SRPRA: variants seen among roughly 807,000 people sequenced by gnomAD.
SRPRA encodes SRP receptor subunit alpha, also known as signal recognition particle receptor subunit alpha.
SRPRA carries 30 observed loss-of-function variants against 61.1 expected under a neutral mutation model. That is an observed-to-expected ratio of 0.49 (90% CI 0.37 to 0.67). The LOEUF (loss-of-function observed/expected upper bound fraction) is 0.67. Ranked by LOEUF, SRPRA falls within the 30% of genes least tolerant of loss-of-function variation. SRPRA has a pLI of 0.00. For synonymous variants in SRPRA, 324 were observed against 299.7 expected (o/e 1.08, Z -0.84); for missense variants, 759 against 828.4 (o/e 0.92, Z 1.03).
At chr11:126,238,097 C>A in the SRPRA span, among the ~76,000 whole-genome samples, 69 of 152,214 alleles carry the variant, frequency 4.5e-4, no homozygotes, top group South Asian at 0.014. Flanking sequence ...TGCGGTGGCT[C>A]ACGCCTGTAA....
the SRPRA span, chr11:126,254,415 C>G: frequency 6.2e-7 from 1 of 1,614,174 alleles, no homozygotes; most frequent in Non-Finnish European, 8.5e-7. Context: ...AGAACGTGCT[C>G]AGGAACACTG....
chr11:126,250,622 G>A, the SRPRA span: 2 of 1,614,020 alleles, frequency 1.2e-6, no homozygotes, highest in Non-Finnish European at 8.5e-7. The surrounding 1 kb of genome is among the most constrained non-coding windows in gnomAD (Gnocchi z 5.1). Context: ...TTCTCCACCT[G>A]ATGGAAAATG....
At chr11:126,238,890 A>C in the SRPRA span, among the ~76,000 whole-genome samples, 1 of 152,152 alleles carries the variant, frequency 6.6e-6, no homozygotes, top group Non-Finnish European at 1.5e-5. Flanking sequence ...CCGCTAAAAA[A>C]AAAAAGTAAC....
At chr11:126,266,106 A>C (rs746591854) in intron 7 of SRPRA, 25 bp from the exon 8 acceptor site, 1 of 1,613,170 alleles carries the variant, frequency 6.2e-7, no homozygotes, top group Admixed American at 1.7e-5. Context: ...GATTACACAT[A>C]CACATAAAAC....
chr11:126,259,447 G>C (rs1467316825), downstream of SRPRA, among the ~76,000 whole-genome samples: 1 of 123,796 alleles, frequency 8.1e-6, no homozygotes, highest in Non-Finnish European at 1.6e-5. Flanking sequence ...TTTTTTTTGA[G>C]ATGGAGTCTC....
downstream of SRPRA, among the ~76,000 whole-genome samples, chr11:126,258,823 GC>G (rs2135220061): frequency 6.6e-6 from 1 of 152,302 alleles, no homozygotes; most frequent in South Asian, 2.1e-4. Context: ...TGTTTCTGTT[GC>G]ACTAAATCTT....
downstream of SRPRA, chr11:126,261,435 G>A: frequency 6.2e-7 from 1 of 1,613,950 alleles, no homozygotes. Flanking sequence ...CAGGGATGGT[G>A]AGAGAAGGTC....
chr11:126,253,445 C>T, the SRPRA span, among the ~76,000 whole-genome samples: 2 of 152,164 alleles, frequency 1.3e-5, no homozygotes, highest in Admixed American at 6.5e-5. The surrounding 1 kb of genome is among the most constrained non-coding windows in gnomAD (Gnocchi z 5.1). Flanking sequence ...CTATTGCATT[C>T]GCTGTTGTCT....
the SRPRA span, among the ~76,000 whole-genome samples, chr11:126,237,411 T>C: frequency 4.3e-5 from 5 of 117,486 alleles, no homozygotes; most frequent in Non-Finnish European, 1.1e-4. Flanking sequence ...TATTTATTTA[T>C]TTTTTAAATA....
the SRPRA span, among the ~76,000 whole-genome samples, chr11:126,251,941 C>T: frequency 3.3e-5 from 5 of 151,908 alleles, no homozygotes; most frequent in East Asian, 1.9e-4. Flanking sequence ...CTCAGCCTCC[C>T]AAAGTACTGG....
At chr11:126,256,587 C>T in the SRPRA span, 28 of 1,613,816 alleles carry the variant, frequency 1.7e-5, no homozygotes, top group South Asian at 9.9e-5. The surrounding 1 kb of genome is among the most constrained non-coding windows in gnomAD (Gnocchi z 6.6). Context: ...AGAAACTCTA[C>T]GAAAACAAGT....
Position 126,263,526 on chromosome 11 carries a change from A to G in SRPRA, c.*390T>C, listed in dbSNP as rs1167056249. On this transcript the variant is annotated 3_prime_UTR_variant, in exon 14 of 14. Transcript: ENST00000332118. ...CAAGACCTGGCGCTGGCTCTGGAAG[A>G]GTCTCTTAACCTAATGCAGCTGGGA... The G allele has an allele frequency of 6.0e-6, 1 of 167,946 alleles. No individual in the cohort carries two copies. The highest frequency in any genetic ancestry group is 2.4e-5 in the African/African-American group (1 of 41,732). The allele number at this position is 167,946 out of a possible 1,614,324, so 10.4% of individuals were successfully genotyped here.
At chr11:126,256,831 A>G in the SRPRA span, 1 of 1,613,688 alleles carries the variant, frequency 6.2e-7, no homozygotes, top group Non-Finnish European at 8.5e-7. The surrounding 1 kb of genome is among the most constrained non-coding windows in gnomAD (Gnocchi z 6.6). Flanking sequence ...GACATGTGAG[A>G]TCTCCACAAG....
In SRPRA at chr11:126,267,843, A is replaced by C; in HGVS notation, c.202-131T>G. The C allele has an allele frequency of 7.0e-7, 1 of 1,427,930 alleles. No individual in the cohort carries two copies. Among genetic ancestry groups the C allele is most frequent in the Non-Finnish European group, 9.6e-7 (1 of 1,037,110 alleles). 88.5% of individuals were successfully genotyped at this position (1,427,930 alleles called of 1,614,324 possible). A position where few individuals can be genotyped will look rare whatever the true frequency, so the allele number is the denominator to read the frequency against. On this transcript the variant is annotated intron_variant, in intron 2 of 13. Coordinates refer to ENST00000332118, the MANE Select transcript of SRPRA (RefSeq NM_003139.4). This position sits in a 1 kb window ranked among gnomAD's most constrained non-coding sequence, Gnocchi z 4.2. ...GGTTTCCCTGTCCTGAGAGGCAGCC[A>C]AGCTCCCTGCCTGGGCCCAGTAGCT...
downstream of SRPRA, chr11:126,261,354 T>G: frequency 7.9e-7 from 1 of 1,262,908 alleles, no homozygotes; most frequent in Non-Finnish European, 1.2e-6. Context: ...TCATCTCCCT[T>G]TAGTTTTCTT....
At chr11:126,237,710 A>T in the SRPRA span, among the ~76,000 whole-genome samples, 2 of 129,930 alleles carry the variant, frequency 1.5e-5, no homozygotes, top group Non-Finnish European at 3.3e-5. Context: ...AAAAAAAATT[A>T]GCGGGGCGTG....
downstream of SRPRA, chr11:126,261,408 T>C (rs758439084): frequency 3.7e-6 from 6 of 1,612,100 alleles, no homozygotes; most frequent in Middle Eastern, 1.6e-4. Flanking sequence ...TGTCTGATGC[T>C]GATGTCCTCT....
chr11:126,262,148 T>C (rs575692609), downstream of SRPRA: 2 of 1,613,894 alleles, frequency 1.2e-6, no homozygotes, highest in East Asian at 2.2e-5. Context: ...GCTAGAGAAA[T>C]CACCACCGTT....
chr11:126,263,671 C>G lies in SRPRA; in HGVS notation c.*245G>C, dbSNP rs1286971205. 6.0e-6 allele frequency: 3 copies of G among 503,506 alleles called. No individual in the cohort carries two copies. The highest frequency in any genetic ancestry group is 1.1e-5 in the Non-Finnish European group (3 of 281,780). 31.2% of individuals were successfully genotyped at this position (503,506 alleles called of 1,614,324 possible). The stretch of plus-strand genomic sequence containing the variant: ...TCTGTAGGCAGAGTGAAGGGGGTGC[C>G]TGAGTAGGAAGGGGGAGGCCCGCTG... On this transcript the variant is annotated 3_prime_UTR_variant, in exon 14 of 14. Transcript: ENST00000332118.
Sources: allele counts gnomAD v4.1 joint callset (sites outside exome capture counted in the v4.1 genomes callset), GRCh38; gene constraint gnomAD v4.1.1; non-coding constraint Gnocchi (gnomAD v3.1); transcripts MANE v1.5; gene names NCBI Gene and HGNC (gene_info 2026-07-23, HGNC 2026-07-21).